ANKS1B: variants seen among roughly 807,000 people sequenced by gnomAD.
ANKS1B encodes the protein ankyrin repeat and sterile alpha motif domain containing 1B, also known as ankyrin repeat and sterile alpha motif domain-containing protein 1B.
ANKS1B carries 36 observed loss-of-function variants against 148.3 expected under a neutral mutation model. That is an observed-to-expected ratio of 0.24 (90% CI 0.19 to 0.32). The LOEUF is 0.32. Ranked by LOEUF, ANKS1B falls within the 10% of genes least tolerant of loss-of-function variation. The pLI is 1.00. For missense variants in ANKS1B, 1,157 were observed against 1,542.6 expected (o/e 0.75, Z 4.19); for synonymous variants, 542 against 560.8 (o/e 0.97, Z 0.47).
intron 12 of ANKS1B, among the ~76,000 whole-genome samples, chr12:99,252,727 G>A (rs1466837344): frequency 1.3e-5 from 2 of 152,162 alleles, no homozygotes; most frequent in African/African-American, 4.8e-5. Context: ...AGTAAAATTT[G>A]AGAACAACTA....
At chr12:99,913,426 T>C (rs2094068580) in intron 1 of ANKS1B, among the ~76,000 whole-genome samples, 1 of 152,172 alleles carries the variant, frequency 6.6e-6, no homozygotes, top group African/African-American at 2.4e-5. Context: ...ATAATTACCA[T>C]TTGCACCTCA....
intron 14 of ANKS1B, among the ~76,000 whole-genome samples, chr12:99,215,101 A>G (rs756632134): frequency 1.3e-5 from 2 of 152,178 alleles, no homozygotes; most frequent in Non-Finnish European, 2.9e-5. Context: ...TATGGTTTGG[A>G]ATTGGAACTT....
chr12:99,138,149 T>C (rs2153786426), intron 15 of ANKS1B, among the ~76,000 whole-genome samples: 1 of 152,326 alleles, frequency 6.6e-6, no homozygotes, highest in East Asian at 1.9e-4. Flanking sequence ...GTTTGAATTC[T>C]TGGAACATTT....
intron 1 of ANKS1B, among the ~76,000 whole-genome samples, chr12:99,919,124 G>C (rs2094267923): frequency 6.6e-6 from 1 of 152,116 alleles, no homozygotes; most frequent in Admixed American, 6.5e-5. Context: ...TGAAGCCCTG[G>C]GAACTAGTAT....
chr12:99,688,807 A>G (rs2098663751), intron 8 of ANKS1B, among the ~76,000 whole-genome samples: 1 of 152,032 alleles, frequency 6.6e-6, no homozygotes, highest in African/African-American at 2.4e-5. Context: ...CACCATCACA[A>G]TCCAGCCTGG....
rs538406738 is a variant in ANKS1B at position 99,365,086 on chromosome 12, G to A, written c.1756+34545C>T. Among the ~76,000 whole-genome samples, 15 of 152,284 alleles carry A rather than the reference G, an allele frequency of 9.9e-5. No individual in the cohort carries two copies. In the South Asian group the frequency reaches 3.1e-3, roughly 32 times the overall value. On this transcript the variant is annotated intron_variant, in intron 12 of 26. Transcript: ENST00000683438. The stretch of plus-strand genomic sequence containing the variant: ...ACAGAATGATCATTCCCAGAGGACT[G>A]CTTGACATGTGGCATGGAGCCTGCA...
intron 14 of ANKS1B, among the ~76,000 whole-genome samples, chr12:99,190,041 C>A (rs917695628): frequency 2.0e-5 from 3 of 152,112 alleles, no homozygotes; most frequent in African/African-American, 7.2e-5. Context: ...TCCTATACAT[C>A]AATAATAGAC....
intron 14 of ANKS1B, among the ~76,000 whole-genome samples, chr12:99,221,357 A>G (rs2085102242): frequency 6.6e-6 from 1 of 152,084 alleles, no homozygotes; most frequent in Non-Finnish European, 1.5e-5. Flanking sequence ...AATAAAATAA[A>G]ATAAAATTTG....
intron 10 of ANKS1B, among the ~76,000 whole-genome samples, chr12:99,458,788 A>T (rs1013660104): frequency 6.6e-6 from 1 of 152,016 alleles, no homozygotes; most frequent in African/African-American, 2.4e-5. Context: ...CGAGAAAAAA[A>T]GGCCAGGACC....
At chr12:99,497,832 T>C (rs932676799) in intron 10 of ANKS1B, among the ~76,000 whole-genome samples, 1 of 145,802 alleles carries the variant, frequency 6.9e-6, no homozygotes, top group Non-Finnish European at 1.5e-5. Flanking sequence ...TCTTTCTCTT[T>C]CTCTCTCTCT....
chr12:98,760,372 C>T (rs1037291471), intron 25 of ANKS1B, among the ~76,000 whole-genome samples: 2 of 152,122 alleles, frequency 1.3e-5, no homozygotes, highest in East Asian at 1.9e-4. Flanking sequence ...TCACATGATC[C>T]TCTCACCTCA....
chr12:99,533,156 T>A (rs373350306), intron 9 of ANKS1B, among the ~76,000 whole-genome samples: 2 of 152,226 alleles, frequency 1.3e-5, no homozygotes, highest in East Asian at 3.8e-4. Flanking sequence ...TTCCAATCCA[T>A]AAGAATAGGA....
chr12:98,891,541 T>C (rs1198925710), intron 17 of ANKS1B, among the ~76,000 whole-genome samples: 3 of 152,114 alleles, frequency 2.0e-5, no homozygotes, highest in African/African-American at 7.2e-5. Context: ...ATAAAAATAA[T>C]TTCTGGAACA....
At chr12:98,825,069 C>T (rs576275723) in intron 19 of ANKS1B, among the ~76,000 whole-genome samples, 91 of 152,192 alleles carry the variant, frequency 6.0e-4, no homozygotes, top group African/African-American at 2.1e-3. Context: ...TAGGGTTAGG[C>T]AGGCCAGGGC....
intron 9 of ANKS1B, among the ~76,000 whole-genome samples, chr12:99,564,759 C>T (rs1207568183): frequency 2.6e-5 from 4 of 152,154 alleles, no homozygotes; most frequent in African/African-American, 9.6e-5. Flanking sequence ...ACTTACACTA[C>T]TGCAATCTCC....
At chr12:98,750,737 T>C (rs2098063593) in intron 26 of ANKS1B, among the ~76,000 whole-genome samples, 1 of 152,168 alleles carries the variant, frequency 6.6e-6, no homozygotes, top group South Asian at 2.1e-4. Context: ...TGGGACAGGA[T>C]GTCTGCAGAG....
intron 12 of ANKS1B, among the ~76,000 whole-genome samples, chr12:99,361,026 A>C (rs1164778205): frequency 6.6e-5 from 10 of 152,102 alleles, no homozygotes; most frequent in Non-Finnish European, 1.0e-4. Flanking sequence ...AGAAAGTATG[A>C]AGAAGACCTA....
At chr12:99,753,320 A>C (rs1176512701) in intron 8 of ANKS1B, among the ~76,000 whole-genome samples, 3 of 152,140 alleles carry the variant, frequency 2.0e-5, no homozygotes, top group Non-Finnish European at 4.4e-5. Context: ...AATGCCTATG[A>C]TATTTTTAGA....
At chr12:98,900,100 G>C (rs1203611432) in intron 17 of ANKS1B, among the ~76,000 whole-genome samples, 3 of 152,152 alleles carry the variant, frequency 2.0e-5, no homozygotes, top group Non-Finnish European at 4.4e-5. Flanking sequence ...GAACAAAAAG[G>C]CAGTTACTGT....
Sources: allele counts gnomAD v4.1 joint callset (sites outside exome capture counted in the v4.1 genomes callset), GRCh38; gene constraint gnomAD v4.1.1; transcripts MANE v1.5; gene names NCBI Gene and HGNC (gene_info 2026-07-23, HGNC 2026-07-21).